The following SHANK2 variants were observed in gnomAD, a reference collection of about 807,000 sequenced individuals.
The protein encoded by SHANK2 is SH3 and multiple ankyrin repeat domains 2.
Under a neutral mutation model 133.7 loss-of-function variants are expected in SHANK2, and 43 were observed. That is an observed-to-expected ratio of 0.32 (90% confidence interval 0.25 to 0.41). The LOEUF (loss-of-function observed/expected upper bound fraction) is 0.41, where lower values mean the gene tolerates loss of function less well. Among genes scored for constraint, SHANK2 ranks in the 10% least tolerant of loss-of-function variants. The pLI, the probability that SHANK2 is intolerant of heterozygous loss-of-function variation, is 1.00. For missense variants in SHANK2, 1,994 were observed against 2,235.8 expected (o/e 0.89, Z 2.18); for synonymous variants, 1,017 against 952.8 (o/e 1.07, Z -1.24).
chr11:71,206,572 C>T (rs782715431), intron 2 of SHANK2, among the ~76,000 whole-genome samples: 6 of 152,238 alleles, frequency 3.9e-5, no homozygotes, highest in South Asian at 2.1e-4. Context: ...AAAATTACAG[C>T]GCTCATGTCC....
chr11:71,108,938 C>G (rs868909212), intron 6 of SHANK2, among the ~76,000 whole-genome samples: 11 of 125,802 alleles, frequency 8.7e-5, no homozygotes, highest in South Asian at 4.3e-4. Context: ...ACCCAGCGGG[C>G]CCCCCCCCAG....
In SHANK2 at chr11:70,767,028, G is replaced by A. The variant is rs182721456; in HGVS notation, c.1777+31415C>T. The stretch of plus-strand genomic sequence containing the variant: ...GGCAGGCCTACTGTGTGCCAGGCAC[G>A]GACACGGGGAGGCATCAGACAGGGT... On this transcript the variant is annotated intron_variant, in intron 14 of 25. Transcript: ENST00000601538. 1.8e-4 allele frequency among the ~76,000 whole-genome samples: 27 copies of A among 152,352 alleles called. No individual in the cohort carries two copies. The East Asian group carries it at 4.4e-3, about 25-fold the overall frequency.
chr11:70,952,787 AC>A (rs1565426699), intron 10 of SHANK2: 1 of 235,852 alleles, frequency 4.2e-6, no homozygotes, highest in Non-Finnish European at 8.9e-6. Flanking sequence ...GGGAACTGAC[AC>A]CCACCTATGG....
intron 17 of SHANK2, among the ~76,000 whole-genome samples, chr11:70,543,806 G>C (rs1554975680): frequency 6.6e-6 from 1 of 152,188 alleles, no homozygotes; most frequent in African/African-American, 2.4e-5. Flanking sequence ...AGGACGTGGG[G>C]CCCATCTTGT....
chr11:70,911,502 T>C (rs917589446), intron 10 of SHANK2, among the ~76,000 whole-genome samples: 1 of 152,182 alleles, frequency 6.6e-6, no homozygotes, highest in Non-Finnish European at 1.5e-5. Flanking sequence ...TGGCTATTTG[T>C]GTGTGTGTGA....
In SHANK2 at chr11:70,913,275, G is replaced by A. The variant is rs530635741; in HGVS notation, c.1108-16708C>T. Among the ~76,000 whole-genome samples, 4 of 152,078 alleles carry A rather than the reference G, an allele frequency of 2.6e-5. No individual in the cohort carries two copies. In the East Asian group the frequency reaches 7.7e-4, roughly 29 times the overall value. ...TTTCCTTCATTTGTCCTAAATGATAGACCCTATTATGACAACTTGGACCCT... is the reference window on the plus strand; with the variant it reads ...TTTCCTTCATTTGTCCTAAATGATAAACCCTATTATGACAACTTGGACCCT... On this transcript the variant is annotated intron_variant, in intron 10 of 25. Coordinates refer to ENST00000601538, the MANE Select transcript of SHANK2 (RefSeq NM_012309.5).
At chr11:70,505,367 A>C (rs1554968164) in intron 17 of SHANK2, among the ~76,000 whole-genome samples, 1 of 152,100 alleles carries the variant, frequency 6.6e-6, no homozygotes, top group Non-Finnish European at 1.5e-5. Context: ...GCACCGAGAC[A>C]CTGGGGTCTC....
At chr11:70,952,731 C>T (rs1213966934) in intron 10 of SHANK2, 8 of 418,566 alleles carry the variant, frequency 1.9e-5, no homozygotes, top group Non-Finnish European at 3.5e-5. Flanking sequence ...GATGGCAGGG[C>T]GGCCCTGGCT....
chr11:71,119,245 C>T (rs781878487), intron 3 of SHANK2, among the ~76,000 whole-genome samples: 32 of 152,100 alleles, frequency 2.1e-4, no homozygotes, highest in Non-Finnish European at 3.4e-4. Context: ...AAGGAAAGAC[C>T]GAGGCATTGG....
At chr11:70,515,650 A>AAC (rs1465635384) in intron 17 of SHANK2, among the ~76,000 whole-genome samples, 2 of 150,964 alleles carry the variant, frequency 1.3e-5, no homozygotes, top group East Asian at 3.9e-4. Flanking sequence ...AAAAAAAAAA[A>AAC]AAAAAAAAAA....
intron 17 of SHANK2, among the ~76,000 whole-genome samples, chr11:70,568,649 C>CCCCCT (rs2060001849): frequency 8.4e-6 from 1 of 118,910 alleles, no homozygotes; most frequent in African/African-American, 2.9e-5. Flanking sequence ...GATTCCTGCC[C>CCCCCT]CCCCCGCCCA....
At chr11:71,208,651 C>G (rs560731773) in intron 2 of SHANK2, among the ~76,000 whole-genome samples, 1 of 152,030 alleles carries the variant, frequency 6.6e-6, no homozygotes, top group Non-Finnish European at 1.5e-5. Context: ...CTCTGGAATA[C>G]GAAACACTGG....
chr11:71,181,045 C>A (rs1289340522), intron 2 of SHANK2, among the ~76,000 whole-genome samples: 16 of 151,860 alleles, frequency 1.1e-4, no homozygotes, highest in African/African-American at 3.6e-4. Context: ...AACACAAGGA[C>A]AAACAGGAAA....
intron 11 of SHANK2, among the ~76,000 whole-genome samples, chr11:70,867,462 G>A (rs925603388): frequency 2.6e-5 from 4 of 152,216 alleles, no homozygotes; most frequent in Non-Finnish European, 5.9e-5. Context: ...CCACTGCTGG[G>A]GAGTACGGCA....
At chr11:71,067,316 A>T (rs1470783023) in intron 9 of SHANK2, among the ~76,000 whole-genome samples, 1 of 152,124 alleles carries the variant, frequency 6.6e-6, no homozygotes, top group Non-Finnish European at 1.5e-5. Context: ...ACTGTTTTTT[A>T]TTATTTTTAC....
At chr11:70,942,513 G>T (rs1555084550) in intron 10 of SHANK2, 3 of 456,058 alleles carry the variant, frequency 6.6e-6, no homozygotes, top group Non-Finnish European at 1.3e-5. Flanking sequence ...CTTCCACTAG[G>T]TCCCACCTCC....
chr11:70,906,260 C>T (rs1555077935), intron 10 of SHANK2, among the ~76,000 whole-genome samples: 3 of 152,240 alleles, frequency 2.0e-5, no homozygotes. Context: ...CATGCGAATG[C>T]TCTTCACAGT....
chr11:70,894,729 G>T (rs1949907634), intron 11 of SHANK2, among the ~76,000 whole-genome samples: 1 of 152,126 alleles, frequency 6.6e-6, no homozygotes, highest in Admixed American at 6.5e-5. Context: ...GACAACTCAG[G>T]ATCTGTGGAG....
intron 11 of SHANK2, among the ~76,000 whole-genome samples, chr11:70,871,242 C>T (rs1416710999): frequency 2.6e-5 from 4 of 152,350 alleles, no homozygotes; most frequent in Admixed American, 6.5e-5. Context: ...GGACACACTT[C>T]AAAGGGGAGT....
Sources: gnomAD v4.1 joint callset for allele counts (sites outside exome capture counted in the v4.1 genomes callset) on GRCh38, gnomAD v4.1.1 for gene constraint, MANE v1.5 for transcripts, NCBI Gene and HGNC (gene_info 2026-07-23, HGNC 2026-07-21) for gene names.